Variants in NMT1 observed in about 807,000 individuals in gnomAD.
NMT1 encodes the protein glycylpeptide N-tetradecanoyltransferase 1.
NMT1 carries 12 observed loss-of-function variants against 63.4 expected under a neutral mutation model. The ratio of observed to expected loss-of-function variants is 0.19; its 90% confidence interval spans 0.12 to 0.31. The LOEUF (loss-of-function observed/expected upper bound fraction) is 0.31. NMT1 is among the 10% of genes least tolerant of loss of function. The pLI is 1.00. For missense variants in NMT1, 432 were observed against 634.6 expected, an observed-to-expected ratio of 0.68 and a Z score of 3.43; for synonymous variants, 228 against 234.3, an observed-to-expected ratio of 0.97 and a Z score of 0.25.
chr17:45,101,668 C>T lies in NMT1; in HGVS notation c.994-1283C>T, dbSNP rs115312909. Among the ~76,000 whole-genome samples the T allele has an allele frequency of 2.9e-3, 440 of 149,892 alleles. 1 individual carries two copies. Among genetic ancestry groups the T allele is most frequent in the African/African-American group, 9.7e-3 (396 of 40,796 alleles). On this transcript the variant is annotated intron_variant, in intron 8 of 11. Transcript: ENST00000258960. Reference sequence around the variant, plus strand: ...AAGAAAGAAAAAATCTCTTCTCTTTCCTCGGAGTGCTTCTTCCTATTGGTC... The same window carrying T: ...AAGAAAGAAAAAATCTCTTCTCTTTTCTCGGAGTGCTTCTTCCTATTGGTC...
At chr17:45,098,735 G>A in intron 7 of NMT1, 183 bp downstream of exon 7, 1 of 569,698 alleles carries the variant, frequency 1.8e-6, no homozygotes, top group East Asian at 2.9e-5. Context: ...GGGTTGTAGG[G>A]ATGGCAGATT....
rs959825452 is a variant in NMT1, at chr17:45,108,255, T to C, written c.*2616T>C. ...CTCCTGCCTTTGGATTGACTCTGCA[T>C]TTGACCACGGACTCCAGTCTGTGTG... On this transcript the variant is annotated 3_prime_UTR_variant, in exon 12 of 12. Transcript: ENST00000258960. 3.3e-5 allele frequency: 5 copies of C among 152,352 alleles called. No individual in the cohort carries two copies. Among genetic ancestry groups the C allele is most frequent in the Non-Finnish European group, 7.3e-5 (5 of 68,122 alleles). 9.4% of individuals were successfully genotyped at this position (152,352 alleles called of 1,614,324 possible). A position where few individuals can be genotyped will look rare whatever the true frequency, so the allele number is the denominator to read the frequency against.
intron 1 of NMT1, among the ~76,000 whole-genome samples, chr17:45,073,065 A>G (rs973600243): frequency 7.9e-5 from 12 of 152,218 alleles, no homozygotes; most frequent in African/African-American, 2.9e-4. Context: ...AGTCAAGCAT[A>G]TAATTGTTGA....
chr17:45,108,344 C>T lies in NMT1; in HGVS notation c.*2705C>T, dbSNP rs1470853672. 6.6e-6 allele frequency: 1 copy of T among 152,254 alleles called. No individual in the cohort carries two copies. The highest frequency in any genetic ancestry group is 1.9e-4 in the East Asian group (1 of 5,186). 9.4% of individuals were successfully genotyped at this position (152,254 alleles called of 1,614,324 possible). On this transcript the variant is annotated 3_prime_UTR_variant, in exon 12 of 12. Coordinates refer to ENST00000258960, the MANE Select transcript of NMT1 (RefSeq NM_021079.5). ...GAGGCCTGTATAGGGCTCGTTTCCCCACACATGCCTATTTCTGAAGAGGCT... is the reference window on the plus strand; with the variant it reads ...GAGGCCTGTATAGGGCTCGTTTCCCTACACATGCCTATTTCTGAAGAGGCT...
At chr17:45,081,583 C>A in intron 1 of NMT1, 61 bp from the exon 2 acceptor site, 1 of 1,417,452 alleles carries the variant, frequency 7.1e-7, no homozygotes, top group South Asian at 1.3e-5. Flanking sequence ...AGCTCTTTGT[C>A]AGGGGTAGCA....
At chr17:45,090,321 T>C (rs926845704) in intron 3 of NMT1, among the ~76,000 whole-genome samples, 3 of 152,080 alleles carry the variant, frequency 2.0e-5, no homozygotes, top group Non-Finnish European at 4.4e-5. Context: ...TGAAAGGCCT[T>C]CTTAGCAGAA....
chr17:45,080,129 T>C (rs1050545788), intron 1 of NMT1, among the ~76,000 whole-genome samples: 1 of 151,956 alleles, frequency 6.6e-6, no homozygotes, highest in Non-Finnish European at 1.5e-5. Flanking sequence ...TTGTCCTCAA[T>C]CCTGCAGATC....
rs147145786 is a variant in NMT1, at chr17:45,103,526, G to A, written c.1165-183G>A. ...TCTGGCAGGTTCAGCCCACGATCAC[G>A]GCTCTGTCCTCAAGTGCCCTGAGCC... is the stretch of plus-strand genomic sequence containing the variant. On this transcript the variant is annotated intron_variant, in intron 9 of 11. Transcript: ENST00000258960. The surrounding 1 kb of genome is among the most constrained non-coding windows in gnomAD (Gnocchi z 4.8). Among the ~76,000 whole-genome samples, 575 of 152,236 alleles carry A rather than the reference G, an allele frequency of 3.8e-3. 2 individuals carry two copies. Among genetic ancestry groups the A allele is most frequent in the African/African-American group, 0.013 (540 of 41,528 alleles).
At chr17:45,100,079 C>G (rs1359443004) in intron 8 of NMT1, among the ~76,000 whole-genome samples, 1 of 152,138 alleles carries the variant, frequency 6.6e-6, no homozygotes, top group South Asian at 2.1e-4. Context: ...TGGCTGGCTT[C>G]AGGTAGGGAT....
chr17:45,093,072 G>A (rs2054100094), intron 3 of NMT1, among the ~76,000 whole-genome samples: 1 of 152,232 alleles, frequency 6.6e-6, no homozygotes, highest in Admixed American at 6.5e-5. Flanking sequence ...AGGGGATGTT[G>A]TGTCAGGGTG....
chr17:45,065,929 C>G (rs2143448149), intron 1 of NMT1, among the ~76,000 whole-genome samples: 1 of 150,594 alleles, frequency 6.6e-6, no homozygotes, highest in South Asian at 2.1e-4. Context: ...TCAGACTAGT[C>G]TCAAACTCCT....
At chr17:45,091,226 A>ACACACACACACACACACACACACACC (rs2054085586) in intron 3 of NMT1, among the ~76,000 whole-genome samples, 1 of 149,080 alleles carries the variant, frequency 6.7e-6, no homozygotes, top group Non-Finnish European at 1.5e-5. Context: ...ACACACACAC[A>ACACACACACACACACACACACACACC]CACACACACA....
At chr17:45,063,291 T>C (rs1215905889) in intron 1 of NMT1, among the ~76,000 whole-genome samples, 1 of 152,028 alleles carries the variant, frequency 6.6e-6, no homozygotes, top group Non-Finnish European at 1.5e-5. Flanking sequence ...GACTGTTCTG[T>C]TGCTGTAACT....
chr17:45,093,711 G>C lies in NMT1; in HGVS notation c.412G>C (p.Val138Leu). The C allele has an allele frequency of 6.2e-7, 1 of 1,614,192 alleles. No homozygotes were observed. The highest frequency in any genetic ancestry group is 8.5e-7 in the Non-Finnish European group (1 of 1,180,018). ...LGEVVNTHGP[V>L]EPDKDNIRQE... ...CGAAGTGGTGAACACCCATGGCCCC[G>C]TGGAGCCTGACAAGGACAATATCCG... Residue 138 changes from valine (V) to leucine (L), a missense_variant, in exon 4 of 12, where the codon GTG becomes CTG. Coordinates refer to ENST00000258960, the MANE Select transcript of NMT1 (RefSeq NM_021079.5).
rs755095071 is a variant in NMT1 at position 45,103,856 on chromosome 17, G to A, written c.1312G>A (p.Ala438Thr). ...CCCTCTTCTAGACCTCATGAGCGAC[G>A]CCCTTGTCCTCGCCAAAATGGTGAG... ...QTPLLDLMSD[A>T]LVLAKMKGFD... The change falls in exon 10 of 12, where the codon GCC becomes ACC. Residue 438 changes from alanine (A) to threonine (T), a missense_variant. Transcript: ENST00000258960. The surrounding 1 kb of genome is among the most constrained non-coding windows in gnomAD (Gnocchi z 4.8). 2.5e-6 allele frequency: 4 copies of A among 1,613,886 alleles called. No individual in the cohort carries two copies. The highest frequency in any genetic ancestry group is 1.1e-5 in the South Asian group (1 of 91,094).
At chr17:45,097,277 A>C in intron 6 of NMT1, 33 bp downstream of exon 6, 4 of 1,441,452 alleles carry the variant, frequency 2.8e-6, no homozygotes, top group Non-Finnish European at 3.9e-6. Flanking sequence ...ACCCCCCACA[A>C]CACCGCCATC....
chr17:45,069,603 T>C (rs1451479511), intron 1 of NMT1, among the ~76,000 whole-genome samples: 2 of 152,062 alleles, frequency 1.3e-5, no homozygotes, highest in Non-Finnish European at 2.9e-5. Flanking sequence ...TAGACTTTAG[T>C]TTTTATAGTG....
Position 45,105,280 on chromosome 17 carries a change from C to T in NMT1, c.1470+284C>T, listed in dbSNP as rs146556840. On this transcript the variant is annotated intron_variant, in intron 11 of 11. Coordinates refer to ENST00000258960, the MANE Select transcript of NMT1 (RefSeq NM_021079.5). This position sits in a 1 kb window ranked among gnomAD's most constrained non-coding sequence, Gnocchi z 4.2. ...GGAACCGTGGAAGTTGAGTTGCCCA[C>T]GGTTTGCCAGGAGGGTAGGGCTGGG... Among the ~76,000 whole-genome samples, 5 of 152,278 alleles carry T rather than the reference C, an allele frequency of 3.3e-5. No individual in the cohort carries two copies. The highest frequency in any genetic ancestry group is 5.9e-5 in the Non-Finnish European group (4 of 68,022).
intron 3 of NMT1, among the ~76,000 whole-genome samples, chr17:45,090,552 C>T (rs887883336): frequency 4.6e-5 from 7 of 152,242 alleles, no homozygotes; most frequent in Admixed American, 3.3e-4. Context: ...CCATGGGTCC[C>T]AGAGAGAAGC....
Sources: gnomAD v4.1 joint callset for allele counts (sites outside exome capture counted in the v4.1 genomes callset) on GRCh38, gnomAD v4.1.1 for gene constraint, Gnocchi (gnomAD v3.1) non-coding constraint, MANE v1.5 for transcripts, NCBI Gene and HGNC (gene_info 2026-07-23, HGNC 2026-07-21) for gene names.